The following CATSPERT variants were observed in gnomAD, a reference collection of about 807,000 sequenced individuals.
CATSPERT encodes the protein cation channel sperm-associated targeting subunit tau.
the CATSPERT span, among the ~76,000 whole-genome samples, chr2:201,502,772 T>C: frequency 1.3e-5 from 2 of 152,146 alleles, no homozygotes; most frequent in African/African-American, 2.4e-5. Flanking sequence ...TGTGGGTTTA[T>C]AGTTTTCATC....
the CATSPERT span, chr2:201,535,360 C>T: frequency 3.1e-6 from 3 of 979,696 alleles, no homozygotes; most frequent in African/African-American, 5.3e-5. Flanking sequence ...ATAGTTATTC[C>T]AATAAGATAT....
chr2:201,582,223 T>C, the CATSPERT span: 1 of 1,580,326 alleles, frequency 6.3e-7, no homozygotes, highest in African/African-American at 1.4e-5. Context: ...GGAACCTCAA[T>C]ATCAAAATAT....
the CATSPERT span, among the ~76,000 whole-genome samples, chr2:201,612,075 C>T: frequency 6.6e-6 from 1 of 152,202 alleles, no homozygotes; most frequent in African/African-American, 2.4e-5. Flanking sequence ...CAGCAGCTAA[C>T]TTTTGACTCT....
chr2:201,541,463 G>C, the CATSPERT span, among the ~76,000 whole-genome samples: 1 of 147,260 alleles, frequency 6.8e-6, no homozygotes, highest in Non-Finnish European at 1.5e-5. Context: ...ATCAGTCCCA[G>C]CCATTAAGAT....
chr2:201,581,601 C>CATAT, the CATSPERT span, among the ~76,000 whole-genome samples: 3 of 59,466 alleles, frequency 5.0e-5, no homozygotes, highest in Non-Finnish European at 6.4e-5. Context: ...TATACACATA[C>CATAT]ATATTCTGGA....
At chr2:201,533,514 G>A in the CATSPERT span, among the ~76,000 whole-genome samples, 1 of 152,140 alleles carries the variant, frequency 6.6e-6, no homozygotes, top group African/African-American at 2.4e-5. Flanking sequence ...ATTGTATGTA[G>A]GGGACAGATG....
chr2:201,582,262 T>C, the CATSPERT span: 2 of 1,540,640 alleles, frequency 1.3e-6, no homozygotes, highest in Non-Finnish European at 1.7e-6. Flanking sequence ...AATTTGAGCC[T>C]AAATATTTCT....
chr2:201,566,009 G>A, the CATSPERT span: 41 of 717,546 alleles, frequency 5.7e-5, no homozygotes, highest in African/African-American at 6.2e-4. Context: ...GAAGGCTAGA[G>A]CTAGGAAAAA....
the CATSPERT span, chr2:201,491,549 G>A: frequency 6.5e-7 from 1 of 1,536,856 alleles, no homozygotes; most frequent in Non-Finnish European, 8.7e-7. Flanking sequence ...TTCAATGTCT[G>A]ACAATACTGG....
chr2:201,519,750 A>G, the CATSPERT span, among the ~76,000 whole-genome samples: 1 of 152,220 alleles, frequency 6.6e-6, no homozygotes, highest in African/African-American at 2.4e-5. Context: ...GACTAGACCA[A>G]GCAGAATAAA....
the CATSPERT span, chr2:201,536,127 G>A: frequency 6.2e-7 from 1 of 1,613,474 alleles, no homozygotes; most frequent in East Asian, 2.2e-5. Flanking sequence ...CATGCTTTCT[G>A]ATTGACGTTC....
At chr2:201,535,858 G>T in the CATSPERT span, 57 of 1,495,602 alleles carry the variant, frequency 3.8e-5, no homozygotes, top group Non-Finnish European at 4.9e-5. Flanking sequence ...CTTCTTTTGG[G>T]TCTTGGCTTT....
At chr2:201,571,970 T>A in the CATSPERT span, 1 of 1,613,486 alleles carries the variant, frequency 6.2e-7, no homozygotes, top group Non-Finnish European at 8.5e-7. Flanking sequence ...CTGGAGGTGG[T>A]GCAAGATTCA....
chr2:201,569,784 T>C, the CATSPERT span, among the ~76,000 whole-genome samples: 4 of 152,312 alleles, frequency 2.6e-5, no homozygotes, highest in South Asian at 8.3e-4. Context: ...CGAGCATTTC[T>C]AGCTAATTCA....
chr2:201,599,320 GC>G, the CATSPERT span, among the ~76,000 whole-genome samples: 2 of 151,344 alleles, frequency 1.3e-5, no homozygotes, highest in African/African-American at 4.9e-5. Flanking sequence ...TCTAAGTTTT[GC>G]CTTCATGTTT....
At chr2:201,601,861 A>C in the CATSPERT span, 2 of 1,602,650 alleles carry the variant, frequency 1.2e-6, no homozygotes, top group Non-Finnish European at 1.7e-6. Flanking sequence ...CGAATGAATA[A>C]ATTAGCATAA....
chr2:201,580,299 T>C, the CATSPERT span, among the ~76,000 whole-genome samples: 4 of 152,244 alleles, frequency 2.6e-5, no homozygotes, highest in Admixed American at 1.3e-4. Context: ...CTGTCTATTG[T>C]AGAGTAACAT....
the CATSPERT span, chr2:201,487,445 A>G: frequency 1.8e-5 from 12 of 684,198 alleles, no homozygotes; most frequent in South Asian, 2.5e-4. Context: ...ATTTTAATCA[A>G]AACAAAATGG....
chr2:201,617,695 A>T, the CATSPERT span, among the ~76,000 whole-genome samples: 2,991 of 152,320 alleles, frequency 0.02, 90 homozygotes, highest in South Asian at 0.14. Flanking sequence ...AACCAAAGCC[A>T]AAATCGACAA....
Sources: gnomAD v4.1 joint callset for allele counts (sites outside exome capture counted in the v4.1 genomes callset) on GRCh38, gnomAD v4.1.1 for gene constraint, MANE v1.5 for transcripts, NCBI Gene and HGNC (gene_info 2026-07-23, HGNC 2026-07-21) for gene names.